The following DYRK4 variants were observed in gnomAD, a reference collection of about 807,000 sequenced individuals.
The protein encoded by DYRK4 is dual specificity tyrosine-phosphorylation-regulated kinase 4.
In DYRK4, 64 loss-of-function variants were observed where a neutral mutation model predicts 68.3. That is an observed-to-expected ratio of 0.94 (90% CI 0.77 to 1.15). The LOEUF is 1.15. Among genes scored for constraint, DYRK4 ranks in the 50% most tolerant of loss-of-function variants. The pLI is 0.00. For missense variants in DYRK4, 740 were observed against 764.7 expected (o/e 0.97, Z 0.38); for synonymous variants, 274 against 289.9 (o/e 0.95, Z 0.56).
chr12:4,596,374 C>T, intron 7 of DYRK4, 89 bp downstream of exon 7: 6 of 1,579,486 alleles, frequency 3.8e-6, no homozygotes, highest in East Asian at 2.2e-5. Flanking sequence ...CTGTGCCTCT[C>T]CCTCCAATCT....
intron 13 of DYRK4, among the ~76,000 whole-genome samples, chr12:4,612,197 G>A (rs1317882996): frequency 6.6e-6 from 1 of 152,084 alleles, no homozygotes; most frequent in African/African-American, 2.4e-5. Flanking sequence ...TCTGTAGTCT[G>A]GAAATTGAAA....
At chr12:4,597,813 G>A (rs1489677026) in intron 8 of DYRK4, among the ~76,000 whole-genome samples, 1 of 152,178 alleles carries the variant, frequency 6.6e-6, no homozygotes, top group African/African-American at 2.4e-5. Flanking sequence ...GCCGAGGTGG[G>A]TGGATCACTT....
chr12:4,572,334 T>G (rs1400149862), intron 2 of DYRK4, among the ~76,000 whole-genome samples: 3 of 152,062 alleles, frequency 2.0e-5, no homozygotes, highest in Non-Finnish European at 2.9e-5. Flanking sequence ...CAGGCTGGAG[T>G]GCAGTGGCGC....
intron 4 of DYRK4, 109 bp downstream of exon 4, chr12:4,590,549 G>A: frequency 6.8e-7 from 1 of 1,468,866 alleles, no homozygotes; most frequent in Non-Finnish European, 8.9e-7. Context: ...AGTAGCTGCT[G>A]AAGAGGTGGG....
chr12:4,604,935 G>C lies in DYRK4; in HGVS notation c.1148G>C (p.Arg383Pro). 6.2e-7 allele frequency: 1 copy of C among 1,610,750 alleles called. No homozygotes were observed. The highest frequency in any genetic ancestry group is 1.1e-5 in the South Asian group (1 of 90,766). Residue 383 changes from arginine (R) to proline (P), a missense_variant, in exon 11 of 15, where the codon CGG becomes CCG. This residue lies in a region of DYRK4 where 614 missense variants were observed against 603.7 expected (regional missense o/e 1.02). Transcript: ENST00000543431. ...GCAGTATACACGTACATCCAAAGCC[G>C]GTTCTACCGATCCCCAGAAGTGATC... ...HQKVYTYIQS[R>P]FYRSPEVILG...
chr12:4,590,298 T>C (rs1326474694), intron 3 of DYRK4, 32 bp from the exon 4 acceptor site: 35 of 1,522,310 alleles, frequency 2.3e-5, no homozygotes, highest in Non-Finnish European at 3.0e-5. Context: ...TGCCTAAGGC[T>C]TTTGTAACAC....
In DYRK4 at chr12:4,613,188, A is replaced by G. The variant is rs1472423314; in HGVS notation, c.1667-327A>G. Among the ~76,000 whole-genome samples the G allele has an allele frequency of 6.6e-6, 1 of 152,236 alleles. No homozygotes were observed. The highest frequency in any genetic ancestry group is 2.4e-5 in the African/African-American group (1 of 41,470). ...ATGCAATATAGCCTAGTGGTTAGGT[A>G]CATGGTCACAAGAGTCAGGTTACCT... On this transcript the variant is annotated intron_variant, in intron 14 of 14. Coordinates refer to ENST00000543431, the MANE Select transcript of DYRK4 (RefSeq NM_001394779.1). This position sits in a 1 kb window ranked among gnomAD's most constrained non-coding sequence, Gnocchi z 4.0.
chr12:4,567,847 T>C, intron 1 of DYRK4, 108 bp from the exon 2 acceptor site: 1 of 919,986 alleles, frequency 1.1e-6, no homozygotes, highest in Non-Finnish European at 1.6e-6. Flanking sequence ...TTAGGCCTGT[T>C]GCCTTCTTTT....
chr12:4,563,474 A>G (rs756523162), intron 1 of DYRK4, among the ~76,000 whole-genome samples: 8 of 152,208 alleles, frequency 5.3e-5, no homozygotes, highest in Non-Finnish European at 1.2e-4. Context: ...GTGTGTTGTG[A>G]TGGCTCCCCA....
At chr12:4,593,517 T>A (rs1944981180) in intron 6 of DYRK4, among the ~76,000 whole-genome samples, 1 of 152,210 alleles carries the variant, frequency 6.6e-6, no homozygotes, top group South Asian at 2.1e-4. Context: ...CTTTTTTGTC[T>A]CTTCAATACA....
At chr12:4,598,217 A>C (rs544300055) in intron 8 of DYRK4, among the ~76,000 whole-genome samples, 1 of 152,346 alleles carries the variant, frequency 6.6e-6, no homozygotes, top group South Asian at 2.1e-4. Context: ...CTCTAAAAAA[A>C]CATTAAGAAT....
chr12:4,565,107 C>A (rs1431005928), intron 1 of DYRK4, among the ~76,000 whole-genome samples: 1 of 152,182 alleles, frequency 6.6e-6, no homozygotes, highest in Non-Finnish European at 1.5e-5. Context: ...TATCTTCAAT[C>A]CTTCATGTAA....
At chr12:4,602,158 T>C in intron 10 of DYRK4, 1 of 672,834 alleles carries the variant, frequency 1.5e-6, no homozygotes, top group Non-Finnish European at 2.8e-6. Context: ...CTTTCATATC[T>C]GTATGAACTT....
intron 2 of DYRK4, among the ~76,000 whole-genome samples, chr12:4,574,134 A>T (rs1391701136): frequency 1.3e-5 from 2 of 150,408 alleles, no homozygotes; most frequent in African/African-American, 2.4e-5. Context: ...CTGAGGCAGG[A>T]GAATTGCTTG....
chr12:4,575,714 G>C (rs1256380878), intron 2 of DYRK4, among the ~76,000 whole-genome samples: 1 of 152,034 alleles, frequency 6.6e-6, no homozygotes, highest in Non-Finnish European at 1.5e-5. Context: ...TGAAATACTT[G>C]GTCATGCCTT....
chr12:4,567,672 T>C (rs1019148651), intron 1 of DYRK4, among the ~76,000 whole-genome samples: 1 of 152,234 alleles, frequency 6.6e-6, no homozygotes, highest in African/African-American at 2.4e-5. Flanking sequence ...AGCATGAGGT[T>C]TACTTTCCAG....
chr12:4,591,471 A>C lies in DYRK4; in HGVS notation c.463+173A>C. 2 of 917,166 alleles carry C rather than the reference A, an allele frequency of 2.2e-6. No homozygotes were observed. Among genetic ancestry groups the C allele is most frequent in the South Asian group, 4.3e-5 (2 of 46,270 alleles). The allele number at this position is 917,166 out of a possible 1,614,324, so 56.8% of individuals were successfully genotyped here. A position where few individuals can be genotyped will look rare whatever the true frequency, so the allele number is the denominator to read the frequency against. Reference sequence around the variant, plus strand: ...TTGAACCTCTGACTGTGGTAGTATAAGCAAGAGGCTGAATAGGAGGCTGAA... The same window carrying C: ...TTGAACCTCTGACTGTGGTAGTATACGCAAGAGGCTGAATAGGAGGCTGAA... On this transcript the variant is annotated intron_variant, in intron 5 of 14. Coordinates refer to ENST00000543431, the MANE Select transcript of DYRK4 (RefSeq NM_001394779.1). This position sits in a 1 kb window ranked among gnomAD's most constrained non-coding sequence, Gnocchi z 4.1.
At chr12:4,569,336 G>A (rs2137320665) in intron 2 of DYRK4, among the ~76,000 whole-genome samples, 1 of 152,176 alleles carries the variant, frequency 6.6e-6, no homozygotes, top group Non-Finnish European at 1.5e-5. Flanking sequence ...TAATAAAGAT[G>A]GCATTCTTTT....
chr12:4,603,888 C>T (rs1337868319), intron 10 of DYRK4, among the ~76,000 whole-genome samples: 1 of 152,084 alleles, frequency 6.6e-6, no homozygotes, highest in African/African-American at 2.4e-5. Context: ...CAGTCATTTC[C>T]CCCTTTGCAT....
Sources: allele counts gnomAD v4.1 joint callset (sites outside exome capture counted in the v4.1 genomes callset), GRCh38; gene constraint gnomAD v4.1.1; regional missense constraint gnomAD v4.1.1; non-coding constraint Gnocchi (gnomAD v3.1); transcripts MANE v1.5; gene names NCBI Gene and HGNC (gene_info 2026-07-23, HGNC 2026-07-21).